MYOT: variants seen among roughly 807,000 people sequenced by gnomAD.
The protein encoded by MYOT is myotilin.
In MYOT, 36 loss-of-function variants were observed where a neutral mutation model predicts 58.0. That is an observed-to-expected ratio of 0.62 (90% CI 0.48 to 0.82). The LOEUF is 0.82. Among genes scored for constraint, MYOT ranks in the 40% least tolerant of loss-of-function variants. MYOT has a pLI of 0.00. For synonymous variants in MYOT, 218 were observed against 204.6 expected, an observed-to-expected ratio of 1.07 and a Z score of -0.56; for missense variants, 505 against 592.1, an observed-to-expected ratio of 0.85 and a Z score of 1.53.
At chr5:137,873,000 G>A (rs533392571) in intron 2 of MYOT, among the ~76,000 whole-genome samples, 2 of 152,254 alleles carry the variant, frequency 1.3e-5, no homozygotes, top group South Asian at 2.1e-4. Context: ...TTATCAAGTC[G>A]TAACACTTAA....
chr5:137,880,517 C>T, intron 4 of MYOT: 1 of 326,074 alleles, frequency 3.1e-6, no homozygotes, highest in Admixed American at 4.5e-5. Flanking sequence ...ACCAGGGAGA[C>T]ACATCACCCT....
intron 4 of MYOT, among the ~76,000 whole-genome samples, chr5:137,879,241 A>C (rs1755334544): frequency 6.6e-6 from 1 of 151,656 alleles, no homozygotes; most frequent in Non-Finnish European, 1.5e-5. Flanking sequence ...TGGCCTTTGA[A>C]ATTAAGTTTT....
At chr5:137,868,267 T>G (rs1037552518) in intron 1 of MYOT, among the ~76,000 whole-genome samples, 8 of 152,236 alleles carry the variant, frequency 5.3e-5, no homozygotes, top group Admixed American at 5.2e-4. Context: ...CTATCAGTCT[T>G]CTGTGCAAGT....
intron 2 of MYOT, among the ~76,000 whole-genome samples, chr5:137,872,315 G>T (rs1755076264): frequency 6.6e-6 from 1 of 152,006 alleles, no homozygotes; most frequent in South Asian, 2.1e-4. Context: ...TTACCCAGAT[G>T]ATCATTTTCC....
intron 3 of MYOT, 127 bp from the exon 4 acceptor site, chr5:137,877,393 A>T: frequency 3.6e-6 from 2 of 552,300 alleles, no homozygotes; most frequent in Non-Finnish European, 6.4e-6. Flanking sequence ...AAAAAAAAAT[A>T]GAATCTATCA....
intron 4 of MYOT, 85 bp from the exon 5 acceptor site, chr5:137,880,731 G>C: frequency 8.8e-7 from 1 of 1,142,630 alleles, no homozygotes; most frequent in African/African-American, 1.5e-5. Context: ...AAATAGGAAT[G>C]TTCCTTTCAA....
Position 137,871,062 on chromosome 5 carries a change from C to T in MYOT, c.356+55C>T, listed in dbSNP as rs1046568782. The stretch of plus-strand genomic sequence containing the variant: ...AGTGAACTTATATCTGAGGAGTTTG[C>T]GAGGGGGTAGGAGTTTTGGGGGTAT... On this transcript the variant is annotated intron_variant, in intron 2 of 9. Coordinates refer to ENST00000239926, the MANE Select transcript of MYOT (RefSeq NM_006790.3). 61 of 1,483,450 alleles carry T rather than the reference C, an allele frequency of 4.1e-5. No homozygotes were observed. The highest frequency in any genetic ancestry group is 9.4e-5 in the South Asian group (8 of 85,222). 91.9% of individuals were successfully genotyped at this position (1,483,450 alleles called of 1,614,324 possible).
chr5:137,874,712 C>T lies in MYOT; in HGVS notation c.357-1117C>T, dbSNP rs374919536. On this transcript the variant is annotated intron_variant, in intron 2 of 9. Coordinates refer to ENST00000239926, the MANE Select transcript of MYOT (RefSeq NM_006790.3). ...AATAAAGACTTTATTTGCTTTTTTCCAGTTTACATTTCTTTCTCCTTCCTC... is the reference window on the plus strand; with the variant it reads ...AATAAAGACTTTATTTGCTTTTTTCTAGTTTACATTTCTTTCTCCTTCCTC... 2.6e-4 allele frequency among the ~76,000 whole-genome samples: 39 copies of T among 152,174 alleles called. 2 individuals are homozygous for T. The highest frequency in any genetic ancestry group is 8.4e-4 in the African/African-American group (35 of 41,510).
intron 2 of MYOT, among the ~76,000 whole-genome samples, chr5:137,871,577 C>G (rs1755053350): frequency 6.6e-6 from 1 of 152,188 alleles, no homozygotes; most frequent in Non-Finnish European, 1.5e-5. Flanking sequence ...ATTTTCCTTA[C>G]TGTGATCAGA....
rs1755639196 is a variant in MYOT at position 137,887,414 on chromosome 5, A to G, written c.*29A>G. 6.2e-7 allele frequency: 1 copy of G among 1,606,200 alleles called. No individual in the cohort carries two copies. The highest frequency in any genetic ancestry group is 8.5e-7 in the Non-Finnish European group (1 of 1,173,206). On this transcript the variant is annotated 3_prime_UTR_variant, in exon 10 of 10. Transcript: ENST00000239926. ...CTTTACCAACATTGGAAAACAGCCA[A>G]CTACACCATTAGTAATATATTTGAT...
At position 137,883,749 on chromosome 5, in the gene MYOT, A is replaced by T. The variant is rs531899450; in HGVS notation, c.1024+158A>T. On this transcript the variant is annotated intron_variant, in intron 7 of 9. Coordinates refer to ENST00000239926, the MANE Select transcript of MYOT (RefSeq NM_006790.3). ...TTTTTATCTACAAACCACAGGAAAA[A>T]ATATATATATATACACACACATACA... 4.4e-4 allele frequency: 282 copies of T among 644,384 alleles called. 1 individual carries two copies. Among genetic ancestry groups the T allele is most frequent in the African/African-American group, 1.1e-3 (62 of 54,528 alleles). The allele number at this position is 644,384 out of a possible 1,614,324, so 39.9% of individuals were successfully genotyped here. A position where few individuals can be genotyped will look rare whatever the true frequency, so the allele number is the denominator to read the frequency against.
At chr5:137,886,485 A>C (rs1310783720) in intron 8 of MYOT, among the ~76,000 whole-genome samples, 2 of 152,242 alleles carry the variant, frequency 1.3e-5, no homozygotes. Context: ...AATGACATAA[A>C]CAAGATTAAA....
rs1458629936 is a variant in MYOT, at chr5:137,870,469, C to T, written c.-183C>T. 4.6e-6 allele frequency: 3 copies of T among 648,470 alleles called. No homozygotes were observed. Among genetic ancestry groups the T allele is most frequent in the Admixed American group, 5.2e-5 (2 of 38,214 alleles). The allele number at this position is 648,470 out of a possible 1,614,324, so 40.2% of individuals were successfully genotyped here. On this transcript the variant is annotated 5_prime_UTR_variant, in exon 2 of 10. Coordinates refer to ENST00000239926, the MANE Select transcript of MYOT (RefSeq NM_006790.3). ...CAATATTCTTCAAGAGAAGGTCACTCTACCAAAGCCAGGAGCACAGTATTC... is the reference window on the plus strand; with the variant it reads ...CAATATTCTTCAAGAGAAGGTCACTTTACCAAAGCCAGGAGCACAGTATTC...
chr5:137,881,929 A>G (rs1755445172), intron 5 of MYOT, 44 bp from the exon 6 acceptor site: 1 of 1,603,894 alleles, frequency 6.2e-7, no homozygotes, highest in Non-Finnish European at 8.5e-7. Flanking sequence ...AATGAAAAGC[A>G]ATGATAATAT....
At position 137,887,399 on chromosome 5, in the gene MYOT, A is replaced by C; in HGVS notation, c.*14A>C. 1 of 1,613,186 alleles carries C rather than the reference A, an allele frequency of 6.2e-7. No individual in the cohort carries two copies. On this transcript the variant is annotated 3_prime_UTR_variant, in exon 10 of 10. Transcript: ENST00000239926. The stretch of plus-strand genomic sequence containing the variant: ...GAAGAACTTTAATAACTTTACCAAC[A>C]TTGGAAAACAGCCAACTACACCATT...
chr5:137,887,648 G>C lies in MYOT; in HGVS notation c.*263G>C. 1 of 195,320 alleles carries C rather than the reference G, an allele frequency of 5.1e-6. No homozygotes were observed. Among genetic ancestry groups the C allele is most frequent in the Non-Finnish European group, 1.0e-5 (1 of 97,922 alleles). The allele number at this position is 195,320 out of a possible 1,614,324, so 12.1% of individuals were successfully genotyped here. On this transcript the variant is annotated 3_prime_UTR_variant, in exon 10 of 10. Transcript: ENST00000239926. ...TAAAATACAGGATTTTAACATTTAA[G>C]TCATGCACATTTAACAATTACAGGT...
At chr5:137,877,005 T>C (rs1289344656) in intron 3 of MYOT, among the ~76,000 whole-genome samples, 1 of 151,412 alleles carries the variant, frequency 6.6e-6, no homozygotes, top group Non-Finnish European at 1.5e-5. Flanking sequence ...GAACCTTTAC[T>C]GCAAGTGAGG....
At chr5:137,883,649 G>T (rs1320990707) in intron 7 of MYOT, 58 bp downstream of exon 7, 2 of 1,506,578 alleles carry the variant, frequency 1.3e-6, no homozygotes, top group Non-Finnish European at 1.8e-6. Context: ...TTGAAAAAAA[G>T]AAAGTATTTT....
intron 4 of MYOT, among the ~76,000 whole-genome samples, chr5:137,879,002 GT>G (rs957867864): frequency 7.3e-5 from 11 of 149,896 alleles, no homozygotes; most frequent in South Asian, 6.4e-4. Context: ...CTGAAATTCA[GT>G]TTTTTTTTTC....
Sources: allele counts gnomAD v4.1 joint callset (sites outside exome capture counted in the v4.1 genomes callset), GRCh38; gene constraint gnomAD v4.1.1; transcripts MANE v1.5; gene names NCBI Gene and HGNC (gene_info 2026-07-23, HGNC 2026-07-21).